Variants in DUSP19 observed in about 807,000 individuals in gnomAD.
DUSP19 encodes the protein dual specificity protein phosphatase 19.
DUSP19 carries 14 observed loss-of-function variants against 16.6 expected under a neutral mutation model. That is an observed-to-expected ratio of 0.84 (90% confidence interval 0.56 to 1.32). The LOEUF is 1.32. Ranked by LOEUF, DUSP19 falls within the 40% of genes most tolerant of loss-of-function variation. The pLI is 0.00. For synonymous variants in DUSP19, 81 were observed against 90.5 expected, an observed-to-expected ratio of 0.90 and a Z score of 0.59; for missense variants, 258 against 255.9, an observed-to-expected ratio of 1.01 and a Z score of -0.06.
At position 183,079,152 on chromosome 2, in the gene DUSP19, G is replaced by A. The variant is rs533017824; in HGVS notation, c.219G>A (p.Leu73=). 1.3e-5 allele frequency: 21 copies of A among 1,612,830 alleles called. No individual in the cohort carries two copies. The South Asian group carries it at 2.1e-4, about 16-fold the overall frequency. ...AAGTTGGCGTTATTAAGCCATGGTT[G>A]CTCCTAGGTGAGTATATCGACTTGC... is the stretch of plus-strand genomic sequence containing the variant. ...DLQVGVIKPW[L]LLGSQDAAHD... is the part of the protein sequence containing the mutation. Residue 73 remains leucine (L), a synonymous_variant, in exon 1 of 4, where the codon TTG becomes TTA. Transcript: ENST00000354221.
At chr2:183,084,038 A>G (rs73977820) in intron 2 of DUSP19, among the ~76,000 whole-genome samples, 90 of 152,302 alleles carry the variant, frequency 5.9e-4, no homozygotes, top group African/African-American at 2.1e-3. Flanking sequence ...GAATTGCTGT[A>G]GGTGAAGGAG....
chr2:183,095,815 A>C lies in DUSP19; in HGVS notation c.*157A>C. ...CAATTTGATTGTCCTGACCTACTGT[A>C]TAAGTAAATTTCAAATGTCATTACT... On this transcript the variant is annotated 3_prime_UTR_variant, in exon 4 of 4. Coordinates refer to ENST00000354221, the MANE Select transcript of DUSP19 (RefSeq NM_080876.4). 2.1e-6 allele frequency: 1 copy of C among 466,276 alleles called. No homozygotes were observed. Among genetic ancestry groups the C allele is most frequent in the Non-Finnish European group, 3.8e-6 (1 of 264,290 alleles). 28.9% of individuals were successfully genotyped at this position (466,276 alleles called of 1,614,324 possible). A position where few individuals can be genotyped will look rare whatever the true frequency, so the allele number is the denominator to read the frequency against.
intron 3 of DUSP19, among the ~76,000 whole-genome samples, chr2:183,087,488 T>C (rs1699677287): frequency 6.6e-6 from 1 of 152,228 alleles, no homozygotes; most frequent in Non-Finnish European, 1.5e-5. Context: ...TGTGAAACTA[T>C]GCATTTTTAG....
Position 183,095,834 on chromosome 2 carries a change from C to A in DUSP19, c.*176C>A. 1 of 433,146 alleles carries A rather than the reference C, an allele frequency of 2.3e-6. No individual in the cohort carries two copies. The highest frequency in any genetic ancestry group is 4.0e-5 in the Admixed American group (1 of 25,026). The allele number at this position is 433,146 out of a possible 1,614,324, so 26.8% of individuals were successfully genotyped here. A position where few individuals can be genotyped will look rare whatever the true frequency, so the allele number is the denominator to read the frequency against. On this transcript the variant is annotated 3_prime_UTR_variant, in exon 4 of 4. Transcript: ENST00000354221. ...TACTGTATAAGTAAATTTCAAATGT[C>A]ATTACTTTCTCTTTGTTATTATAAT...
rs939374671 is a variant in DUSP19 at position 183,096,224 on chromosome 2, A to G, written c.*566A>G. ...CTCTTATGAAAAATATACACTTTTCATTTTGTCTTCTTCTTTTTTTTTCTT... is the reference window on the plus strand; with the variant it reads ...CTCTTATGAAAAATATACACTTTTCGTTTTGTCTTCTTCTTTTTTTTTCTT... On this transcript the variant is annotated 3_prime_UTR_variant, in exon 4 of 4. Transcript: ENST00000354221. 2.0e-5 allele frequency: 3 copies of G among 149,868 alleles called. No homozygotes were observed. The highest frequency in any genetic ancestry group is 4.9e-5 in the African/African-American group (2 of 40,574). The allele number at this position is 149,868 out of a possible 1,614,324, so 9.3% of individuals were successfully genotyped here.
Position 183,078,816 on chromosome 2 carries a change from G to T in DUSP19, c.-118G>T. ...TGGTCTGTGGCTGCTGCGGTTACCT[G>T]GATGGGCGAGCACCTCTGAGGCTGG... On this transcript the variant is annotated 5_prime_UTR_variant, in exon 1 of 4. Transcript: ENST00000354221. The T allele has an allele frequency of 2.3e-6, 2 of 857,190 alleles. No homozygotes were observed. The highest frequency in any genetic ancestry group is 3.6e-6 in the Non-Finnish European group (2 of 555,404). 53.1% of individuals were successfully genotyped at this position (857,190 alleles called of 1,614,324 possible).
chr2:183,081,461 G>A (rs1253225710), intron 1 of DUSP19, among the ~76,000 whole-genome samples: 2 of 152,068 alleles, frequency 1.3e-5, no homozygotes, highest in Non-Finnish European at 2.9e-5. Context: ...TGCCCAAGCT[G>A]GTCTTGAACT....
chr2:183,090,334 C>T (rs1419069293), intron 3 of DUSP19, among the ~76,000 whole-genome samples: 2 of 152,162 alleles, frequency 1.3e-5, no homozygotes, highest in African/African-American at 4.8e-5. Flanking sequence ...CTCTATTTGG[C>T]TTCTCTGTCC....
intron 3 of DUSP19, 62 bp from the exon 4 acceptor site, chr2:183,095,369 A>T: frequency 1.5e-6 from 2 of 1,349,388 alleles, no homozygotes; most frequent in South Asian, 2.6e-5. Context: ...AGAATGTGCA[A>T]TTGATATAAT....
At chr2:183,088,624 T>C (rs1699694607) in intron 3 of DUSP19, among the ~76,000 whole-genome samples, 1 of 152,104 alleles carries the variant, frequency 6.6e-6, no homozygotes, top group Non-Finnish European at 1.5e-5. Context: ...GGTTTCACCG[T>C]GTTGCCCAGG....
chr2:183,082,946 G>A (rs978276267), intron 1 of DUSP19, among the ~76,000 whole-genome samples: 4 of 150,074 alleles, frequency 2.7e-5, no homozygotes, highest in African/African-American at 9.8e-5. Flanking sequence ...GTGTCACCGA[G>A]GCTGGAGTGC....
At chr2:183,086,112 A>G (rs965813886) in intron 2 of DUSP19, among the ~76,000 whole-genome samples, 1 of 151,948 alleles carries the variant, frequency 6.6e-6, no homozygotes, top group South Asian at 2.1e-4. Flanking sequence ...AAAATATTTT[A>G]CAACCACACC....
chr2:183,078,784 A>G lies in DUSP19; in HGVS notation c.-150A>G, dbSNP rs1699551324. On this transcript the variant is annotated 5_prime_UTR_variant, in exon 1 of 4. Transcript: ENST00000354221. ...TGGGATAAACGGAGCTGGACGACTC[A>G]GTCTCTTGGTCTGTGGCTGCTGCGG... 1.5e-6 allele frequency: 1 copy of G among 661,228 alleles called. No homozygotes were observed. Among genetic ancestry groups the G allele is most frequent in the South Asian group, 1.9e-5 (1 of 51,594 alleles). 41.0% of individuals were successfully genotyped at this position (661,228 alleles called of 1,614,324 possible).
In DUSP19 at chr2:183,087,136, A is replaced by G. The variant is rs760704862; in HGVS notation, c.370A>G (p.Asn124Asp). 6.2e-7 allele frequency: 1 copy of G among 1,613,506 alleles called. No homozygotes were observed. Reference sequence around the variant, plus strand: ...TTCTATATTGGATCTGCCTGAAACCAACATCCTGTCTTATTTTCCAGAATG... The same window carrying G: ...TTCTATATTGGATCTGCCTGAAACCGACATCCTGTCTTATTTTCCAGAATG... ...SISILDLPET[N>D]ILSYFPECFE... The change falls in exon 3 of 4, where the codon AAC becomes GAC. Residue 124 changes from asparagine (N) to aspartate (D), a missense_variant. Coordinates refer to ENST00000354221, the MANE Select transcript of DUSP19 (RefSeq NM_080876.4).
rs564715672 is a variant in DUSP19, at chr2:183,095,415, G to T, written c.427-16G>T. 55 of 1,267,268 alleles carry T rather than the reference G, an allele frequency of 4.3e-5. No homozygotes were observed. Among genetic ancestry groups the T allele is most frequent in the African/African-American group, 2.1e-4 (14 of 66,690 alleles). The allele number at this position is 1,267,268 out of a possible 1,614,324, so 78.5% of individuals were successfully genotyped here. A position where few individuals can be genotyped will look rare whatever the true frequency, so the allele number is the denominator to read the frequency against. Reference sequence around the variant, plus strand: ...AAATGAATAATGAAGATTTTTGTTTGTTTTTTTTTTTGTAGGATGGAGTGG... The same window carrying T: ...AAATGAATAATGAAGATTTTTGTTTTTTTTTTTTTTTGTAGGATGGAGTGG... On this transcript the variant is annotated splice_polypyrimidine_tract_variant and intron_variant, in intron 3 of 3. Transcript: ENST00000354221.
intron 3 of DUSP19, among the ~76,000 whole-genome samples, chr2:183,092,447 G>A (rs1699743857): frequency 6.6e-6 from 1 of 152,078 alleles, no homozygotes; most frequent in African/African-American, 2.4e-5. Context: ...ATGTGTCTAT[G>A]TGTTCACGTT....
chr2:183,089,234 C>G (rs893976734), intron 3 of DUSP19, among the ~76,000 whole-genome samples: 1 of 152,034 alleles, frequency 6.6e-6, no homozygotes, highest in East Asian at 1.9e-4. Flanking sequence ...ATGCGTTTAC[C>G]CTGCTGGGCT....
chr2:183,082,881 G>A (rs1425204355), intron 1 of DUSP19, among the ~76,000 whole-genome samples: 1 of 86,604 alleles, frequency 1.2e-5, no homozygotes, highest in Non-Finnish European at 2.1e-5. Context: ...CTCTTGTCTT[G>A]TCTTGTCTTT....
At chr2:183,090,919 G>A (rs1699724112) in intron 3 of DUSP19, among the ~76,000 whole-genome samples, 1 of 152,170 alleles carries the variant, frequency 6.6e-6, no homozygotes, top group Admixed American at 6.5e-5. Flanking sequence ...AGGAGGGGAG[G>A]GCTGACGGGG....
Sources: gnomAD v4.1 joint callset for allele counts (sites outside exome capture counted in the v4.1 genomes callset) on GRCh38, gnomAD v4.1.1 for gene constraint, MANE v1.5 for transcripts, NCBI Gene and HGNC (gene_info 2026-07-23, HGNC 2026-07-21) for gene names.